DLGAP2: variants seen among roughly 807,000 people sequenced by gnomAD.
DLGAP2 encodes the protein disks large-associated protein 2.
In DLGAP2, 26 loss-of-function variants were observed where a neutral mutation model predicts 100.3. That is an observed-to-expected ratio of 0.26 (90% CI 0.19 to 0.36). DLGAP2 has a LOEUF of 0.36. DLGAP2 is among the 10% of genes least tolerant of loss of function. The probability of loss-of-function intolerance (pLI) is 1.00; values close to 1 mark genes in which losing one functional copy is unlikely to be tolerated. For missense variants in DLGAP2, 1,858 were observed against 1,453.2 expected, an observed-to-expected ratio of 1.28 and a Z score of -4.53; for synonymous variants, 886 against 630.1, an observed-to-expected ratio of 1.41 and a Z score of -6.08.
intron 3 of DLGAP2, among the ~76,000 whole-genome samples, chr8:1,318,826 C>G (rs1482981958): frequency 7.1e-6 from 1 of 141,224 alleles, no homozygotes; most frequent in East Asian, 2.3e-4. Flanking sequence ...AATGTGTTCC[C>G]CAACAGCTGC....
chr8:861,961 G>T lies in DLGAP2; in HGVS notation c.19-45951G>T, dbSNP rs867593931. Among the ~76,000 whole-genome samples the T allele has an allele frequency of 2.0e-5, 3 of 152,186 alleles. 1 individual carries two copies. In the South Asian group the frequency reaches 6.2e-4, roughly 32 times the overall value. The stretch of plus-strand genomic sequence containing the variant: ...ATTCATTAGGAAATTATTTTAAAAG[G>T]CACTTATGCATAAATTCTCATCCCA... On this transcript the variant is annotated intron_variant, in intron 1 of 14. Transcript: ENST00000637795.
chr8:995,097 G>T lies in DLGAP2; in HGVS notation c.73+87131G>T, dbSNP rs367608742. 3.3e-5 allele frequency among the ~76,000 whole-genome samples: 5 copies of T among 152,268 alleles called. 1 individual carries two copies. In the South Asian group the frequency reaches 8.3e-4, roughly 25 times the overall value. On this transcript the variant is annotated intron_variant, in intron 2 of 14. Coordinates refer to ENST00000637795, the MANE Select transcript of DLGAP2 (RefSeq NM_001346810.2). ...TGTAAATTATTGAGCAAATGAAAAG[G>T]AATACATAAAATTGTTTTTATTGCC...
chr8:1,068,630 G>A (rs563383489), intron 2 of DLGAP2, among the ~76,000 whole-genome samples: 10 of 149,322 alleles, frequency 6.7e-5, no homozygotes, highest in East Asian at 3.9e-4. Flanking sequence ...GCACAGGAGC[G>A]GGGAGATGAG....
chr8:907,503 A>C (rs1798404457), intron 1 of DLGAP2, among the ~76,000 whole-genome samples: 1 of 152,208 alleles, frequency 6.6e-6, no homozygotes, highest in African/African-American at 2.4e-5. Flanking sequence ...CAGACTCTGG[A>C]AGACCCAGCA....
At chr8:1,118,999 A>G (rs1795968835) in intron 2 of DLGAP2, among the ~76,000 whole-genome samples, 1 of 151,978 alleles carries the variant, frequency 6.6e-6, no homozygotes, top group Non-Finnish European at 1.5e-5. Flanking sequence ...ACTGTGGAGA[A>G]CCATTCAAGT....
At chr8:1,507,822 C>G (rs1294009925) in intron 4 of DLGAP2, among the ~76,000 whole-genome samples, 1 of 150,300 alleles carries the variant, frequency 6.7e-6, no homozygotes, top group African/African-American at 2.5e-5. Flanking sequence ...CCACCACCCT[C>G]CCTCCCAGGC....
chr8:1,142,217 T>C (rs557226318), intron 2 of DLGAP2, among the ~76,000 whole-genome samples: 10 of 152,178 alleles, frequency 6.6e-5, no homozygotes, highest in Non-Finnish European at 1.3e-4. Flanking sequence ...TGTGTATTAA[T>C]TGTATAATAA....
At chr8:1,638,333 G>A (rs1797817433) in intron 8 of DLGAP2, among the ~76,000 whole-genome samples, 1 of 152,032 alleles carries the variant, frequency 6.6e-6, no homozygotes, top group African/African-American at 2.4e-5. Context: ...AGGAGATGAG[G>A]ACACAGACAT....
chr8:1,334,916 G>C lies in DLGAP2; in HGVS notation c.106+76033G>C, dbSNP rs375452025. 1.6e-3 allele frequency among the ~76,000 whole-genome samples: 249 copies of C among 152,298 alleles called. 3 individuals are homozygous for C. Among genetic ancestry groups the C allele is most frequent in the South Asian group, 0.012 (59 of 4,814 alleles). ...TCTCCTCCCCGCCTTGGCCCTCCCT[G>C]CGGGGCACAAGTTTGCCATCTCCCA... On this transcript the variant is annotated intron_variant, in intron 3 of 14. Transcript: ENST00000637795.
intron 2 of DLGAP2, among the ~76,000 whole-genome samples, chr8:955,220 C>T (rs1563112612): frequency 6.6e-6 from 1 of 152,162 alleles, no homozygotes; most frequent in African/African-American, 2.4e-5. Flanking sequence ...GCGAGCCTGT[C>T]TCAGAAACCA....
chr8:1,545,722 A>G (rs577601227), intron 4 of DLGAP2, among the ~76,000 whole-genome samples: 119 of 152,384 alleles, frequency 7.8e-4, no homozygotes, highest in East Asian at 7.7e-4. Flanking sequence ...CCATGCATCC[A>G]TCAGGAAATC....
intron 2 of DLGAP2, among the ~76,000 whole-genome samples, chr8:1,179,232 G>T (rs76900229): frequency 0.049 from 7,517 of 152,312 alleles, 213 homozygotes; most frequent in African/African-American, 0.074. Flanking sequence ...TTGGGAGATG[G>T]GATGGCTGAG....
intron 2 of DLGAP2, among the ~76,000 whole-genome samples, chr8:1,233,373 C>A (rs1003168460): frequency 6.6e-6 from 1 of 152,170 alleles, no homozygotes; most frequent in East Asian, 1.9e-4. Context: ...AATTCAATAG[C>A]AGAAGACTCA....
intron 2 of DLGAP2, among the ~76,000 whole-genome samples, chr8:950,720 C>G (rs1297433792): frequency 1.3e-5 from 2 of 149,726 alleles, no homozygotes; most frequent in African/African-American, 2.5e-5. Context: ...CTCTCGGGTT[C>G]AAGCATTTCT....
chr8:1,511,397 A>G (rs1272969608), intron 4 of DLGAP2, among the ~76,000 whole-genome samples: 1 of 144,590 alleles, frequency 6.9e-6, no homozygotes, highest in East Asian at 2.1e-4. Flanking sequence ...ACCATCTTCC[A>G]TGGTCGTAAG....
At chr8:1,166,566 T>A (rs1361996702) in intron 2 of DLGAP2, among the ~76,000 whole-genome samples, 1 of 152,198 alleles carries the variant, frequency 6.6e-6, no homozygotes. Context: ...TCATGAGAAA[T>A]ATCCCTGCAG....
chr8:1,609,980 G>A (rs1796942115), intron 6 of DLGAP2, among the ~76,000 whole-genome samples: 1 of 151,452 alleles, frequency 6.6e-6, no homozygotes, highest in Admixed American at 6.6e-5. Flanking sequence ...ACAGATCAAC[G>A]AGACAGAAAG....
chr8:1,571,418 G>A lies in DLGAP2; in HGVS notation c.1442+5524G>A, dbSNP rs199903077. Among the ~76,000 whole-genome samples the A allele has an allele frequency of 3.5e-5, 5 of 143,366 alleles. No individual in the cohort carries two copies. The East Asian group carries it at 8.8e-4, about 25-fold the overall frequency. The allele number at this position is 143,366 out of a possible 152,430, so 94.1% of individuals were successfully genotyped here. ...CATCTGATGAGATGGAGAGGAGAGA[G>A]GGTGAATTGTGGGGTGTCTGATGAG... On this transcript the variant is annotated intron_variant, in intron 6 of 14. Transcript: ENST00000637795.
intron 6 of DLGAP2, among the ~76,000 whole-genome samples, chr8:1,588,333 G>T (rs1167190607): frequency 6.6e-6 from 1 of 152,118 alleles, no homozygotes; most frequent in Non-Finnish European, 1.5e-5. Flanking sequence ...CAATCTGTAA[G>T]ATCTGAGGAC....
Sources: allele counts gnomAD v4.1 joint callset (sites outside exome capture counted in the v4.1 genomes callset), GRCh38; gene constraint gnomAD v4.1.1; transcripts MANE v1.5; gene names NCBI Gene and HGNC (gene_info 2026-07-23, HGNC 2026-07-21).